Variants in MS4A12 observed in about 807,000 individuals in gnomAD.
The protein encoded by MS4A12 is membrane-spanning 4-domains subfamily A member 12.
A neutral mutation model predicts 23.7 loss-of-function variants in MS4A12; 28 were observed. That is an observed-to-expected ratio of 1.18 (90% CI 0.88 to 1.62). The LOEUF (loss-of-function observed/expected upper bound fraction) is 1.62, where lower values mean the gene tolerates loss of function less well. Among genes scored for constraint, MS4A12 ranks in the 40% most tolerant of loss-of-function variants. The pLI is 0.00. For synonymous variants in MS4A12, 108 were observed against 110.1 expected, an observed-to-expected ratio of 0.98 and a Z score of 0.12; for missense variants, 342 against 327.0, an observed-to-expected ratio of 1.05 and a Z score of -0.35.
intron 2 of MS4A12, chr11:60,497,859 T>C: frequency 2.9e-6 from 1 of 346,150 alleles, no homozygotes; most frequent in Non-Finnish European, 5.3e-6. Context: ...TACATCTAGC[T>C]TGATCTCATT....
chr11:60,497,373 C>G lies in MS4A12; in HGVS notation c.55C>G (p.Pro19Ala), dbSNP rs367773011. The change falls in exon 2 of 7, where the codon CCT becomes GCT. Residue 19 changes from proline (P) to alanine (A), a missense_variant. By Grantham distance (27) the Pro-to-Ala change is conservative. Transcript: ENST00000016913. ...TGAAGTAAATGAAACCATACCCAAC[C>G]CTTACCCACCAAGCAGCTTTATGGC... ...HAEVNETIPN[P>A]YPPSSFMAPG... 1.2e-6 allele frequency: 2 copies of G among 1,614,008 alleles called. No individual in the cohort carries two copies. The highest frequency in any genetic ancestry group is 2.7e-5 in the African/African-American group (2 of 74,896).
At chr11:60,504,566 G>A (rs2086557027) in intron 5 of MS4A12, among the ~76,000 whole-genome samples, 1 of 152,108 alleles carries the variant, frequency 6.6e-6, no homozygotes, top group East Asian at 1.9e-4. Flanking sequence ...TTGCTTTTCA[G>A]TTTACAAAAA....
rs1351950670 is a variant in MS4A12, at chr11:60,497,571, AAAG to A, written c.260_262del (p.Glu87del). The stretch of plus-strand genomic sequence containing the variant: ...TGTGGGAACAGCAGTAATGAACTTT[AAAG>A]AAGAAGCAAAGGCACTAGGGGTAAG... On this transcript the variant is annotated inframe_deletion, in exon 2 of 7. Coordinates refer to ENST00000016913, the MANE Select transcript of MS4A12 (RefSeq NM_017716.3). 4.3e-6 allele frequency: 7 copies of A among 1,614,016 alleles called. No individual in the cohort carries two copies. Among genetic ancestry groups the A allele is most frequent in the Non-Finnish European group, 5.9e-6 (7 of 1,179,976 alleles).
intron 3 of MS4A12, among the ~76,000 whole-genome samples, chr11:60,501,391 C>T (rs980112564): frequency 6.6e-6 from 1 of 152,106 alleles, no homozygotes; most frequent in Non-Finnish European, 1.5e-5. Flanking sequence ...ATGAAAAAAT[C>T]GGGAACTCTT....
In MS4A12 at chr11:60,501,973, A is replaced by T. The variant is rs2086533680; in HGVS notation, c.415-10A>T. On this transcript the variant is annotated splice_polypyrimidine_tract_variant and intron_variant, in intron 3 of 6. Transcript: ENST00000016913. The stretch of plus-strand genomic sequence containing the variant: ...ACCCATTTCACAAATAAATTTGTCC[A>T]TTTCCACAGTTTATTATCTCTGGCT... 7 of 1,608,924 alleles carry T rather than the reference A, an allele frequency of 4.4e-6. No homozygotes were observed. Among genetic ancestry groups the T allele is most frequent in the Non-Finnish European group, 5.1e-6 (6 of 1,176,344 alleles).
At position 60,507,168 on chromosome 11, in the gene MS4A12, A is replaced by G. The variant is rs201703923; in HGVS notation, c.*44A>G. The G allele has an allele frequency of 2.6e-5, 36 of 1,400,084 alleles. No homozygotes were observed. The East Asian group carries it at 7.5e-4, about 29-fold the overall frequency. The allele number at this position is 1,400,084 out of a possible 1,614,324, so 86.7% of individuals were successfully genotyped here. A position where few individuals can be genotyped will look rare whatever the true frequency, so the allele number is the denominator to read the frequency against. On this transcript the variant is annotated 3_prime_UTR_variant, in exon 7 of 7. Coordinates refer to ENST00000016913, the MANE Select transcript of MS4A12 (RefSeq NM_017716.3). Reference sequence around the variant, plus strand: ...CAGTCTAATCTCATGGAGAAAAACTACTTGCAAAAACTTCTTAAGAAGATG... The same window carrying G: ...CAGTCTAATCTCATGGAGAAAAACTGCTTGCAAAAACTTCTTAAGAAGATG...
intron 1 of MS4A12, among the ~76,000 whole-genome samples, chr11:60,493,926 A>T (rs904916184): frequency 6.6e-6 from 1 of 152,206 alleles, no homozygotes; most frequent in African/African-American, 2.4e-5. Flanking sequence ...TCAGAGCTCC[A>T]ATATTTTTAT....
intron 1 of MS4A12, 113 bp from the exon 2 acceptor site, chr11:60,497,200 G>T (rs2086493518): frequency 8.1e-7 from 1 of 1,232,400 alleles, no homozygotes; most frequent in Admixed American, 2.4e-5. Flanking sequence ...CCCATTATCT[G>T]CTCACTTGTT....
intron 2 of MS4A12, among the ~76,000 whole-genome samples, chr11:60,500,261 C>CAAAAAAAAAAA (rs1322776085): frequency 1.5e-5 from 2 of 131,902 alleles, no homozygotes; most frequent in Non-Finnish European, 3.3e-5. Flanking sequence ...CAAAAAAAAA[C>CAAAAAAAAAAA]AAAAAAAAAA....
At chr11:60,504,422 G>T (rs1168881092) in intron 5 of MS4A12, among the ~76,000 whole-genome samples, 1 of 152,190 alleles carries the variant, frequency 6.6e-6, no homozygotes, top group Non-Finnish European at 1.5e-5. Context: ...ATAAAATGAG[G>T]TTGGGCTGGA....
rs2086577145 is a variant in MS4A12, at chr11:60,507,131, A to G, written c.*7A>G. ...AGCTAATGCCCCTAAATAGTAAAAG[A>G]AAAAGGGGTATCAGTCTAATCTCAT... On this transcript the variant is annotated 3_prime_UTR_variant, in exon 7 of 7. Coordinates refer to ENST00000016913, the MANE Select transcript of MS4A12 (RefSeq NM_017716.3). 5 of 1,592,478 alleles carry G rather than the reference A, an allele frequency of 3.1e-6. No individual in the cohort carries two copies. Among genetic ancestry groups the G allele is most frequent in the Non-Finnish European group, 4.3e-6 (5 of 1,160,502 alleles).
At chr11:60,501,917 A>G in intron 3 of MS4A12, 66 bp from the exon 4 acceptor site, 2 of 1,431,132 alleles carry the variant, frequency 1.4e-6, no homozygotes, top group Non-Finnish European at 2.0e-6. Flanking sequence ...AACCTTTCAT[A>G]TAAAGAGAAA....
intron 1 of MS4A12, among the ~76,000 whole-genome samples, chr11:60,496,161 C>T (rs1222225687): frequency 6.6e-6 from 1 of 152,170 alleles, no homozygotes; most frequent in Non-Finnish European, 1.5e-5. Flanking sequence ...ATTCTATGAG[C>T]ACAGGGTCTG....
chr11:60,497,622 A>G, intron 2 of MS4A12, 28 bp downstream of exon 2: 2 of 1,608,990 alleles, frequency 1.2e-6, no homozygotes, highest in Non-Finnish European at 1.7e-6. Context: ...CAGAATTTTA[A>G]TTTCACATTT....
intron 2 of MS4A12, among the ~76,000 whole-genome samples, chr11:60,498,495 C>T (rs566169948): frequency 2.6e-5 from 4 of 152,292 alleles, no homozygotes; most frequent in African/African-American, 9.6e-5. Context: ...AAATTCCCTG[C>T]TCCTAATAAG....
At chr11:60,501,623 G>T (rs770278917) in intron 3 of MS4A12, among the ~76,000 whole-genome samples, 9 of 152,048 alleles carry the variant, frequency 5.9e-5, no homozygotes, top group Non-Finnish European at 1.2e-4. Context: ...CTGAGGCCAG[G>T]GAATTGCTTG....
chr11:60,493,277 G>A (rs2086462937), intron 1 of MS4A12, among the ~76,000 whole-genome samples: 2 of 151,924 alleles, frequency 1.3e-5, no homozygotes, highest in South Asian at 4.2e-4. Context: ...TCGGGGGGCT[G>A]AGGCAGGAGA....
At position 60,506,799 on chromosome 11, in the gene MS4A12, A is replaced by T. The variant is rs764397438; in HGVS notation, c.660A>T (p.Thr220=). 5.8e-5 allele frequency: 94 copies of T among 1,614,072 alleles called. No individual in the cohort carries two copies. Among genetic ancestry groups the T allele is most frequent in the African/African-American group, 8.0e-5 (6 of 74,926 alleles). Residue 220 remains threonine, a synonymous_variant, in exon 6 of 7, where the codon ACA becomes ACT. Coordinates refer to ENST00000016913, the MANE Select transcript of MS4A12 (RefSeq NM_017716.3). ...TGGAGTTCTTCGTAGCTTGTGCCAC[A>T]GCCCATTTTGCCAACCAAGCAAACA... ...SLLEFFVACA[T]AHFANQANTT... is the part of the protein sequence containing the mutation.
chr11:60,493,824 A>C lies in MS4A12; in HGVS notation c.-7+996A>C, dbSNP rs151334380. 1.1e-3 allele frequency among the ~76,000 whole-genome samples: 162 copies of C among 152,360 alleles called. 1 individual carries two copies. The highest frequency in any genetic ancestry group is 3.7e-3 in the African/African-American group (154 of 41,588). The stretch of plus-strand genomic sequence containing the variant: ...AGGTAGAAAGAAACTATAAAGAAGT[A>C]AATTTTTCCCATTTTTATTTGAAAT... On this transcript the variant is annotated intron_variant, in intron 1 of 6. Transcript: ENST00000016913.
Sources: allele counts gnomAD v4.1 joint callset (sites outside exome capture counted in the v4.1 genomes callset), GRCh38; gene constraint gnomAD v4.1.1; transcripts MANE v1.5; gene names NCBI Gene and HGNC (gene_info 2026-07-23, HGNC 2026-07-21).